ZFPM2: variants seen among roughly 807,000 people sequenced by gnomAD.
The protein encoded by ZFPM2 is zinc finger protein ZFPM2.
ZFPM2 carries 20 observed loss-of-function variants against 98.6 expected under a neutral mutation model. The observed-to-expected ratio is 0.20, with a 90% CI of 0.14 to 0.29. ZFPM2 has a LOEUF of 0.29. Ranked by LOEUF, ZFPM2 falls within the 10% of genes least tolerant of loss-of-function variation. The probability of loss-of-function intolerance (pLI) is 1.00; values close to 1 mark genes in which losing one functional copy is unlikely to be tolerated. For synonymous variants in ZFPM2, 518 were observed against 502.7 expected (o/e 1.03, Z -0.41); for missense variants, 1,310 against 1,388.6 (o/e 0.94, Z 0.90).
At chr8:105,358,161 G>A (rs1036554719) in intron 1 of ZFPM2, among the ~76,000 whole-genome samples, 3 of 152,012 alleles carry the variant, frequency 2.0e-5, no homozygotes, top group African/African-American at 7.2e-5. Context: ...GGAGATAATT[G>A]GAGATAACCT....
chr8:105,392,601 A>T (rs1306053913), intron 1 of ZFPM2, among the ~76,000 whole-genome samples: 1 of 152,212 alleles, frequency 6.6e-6, no homozygotes, highest in African/African-American at 2.4e-5. Context: ...GTACAAAAAC[A>T]ACTAACATAT....
At chr8:105,361,228 C>T (rs113343469) in intron 1 of ZFPM2, among the ~76,000 whole-genome samples, 87 of 132,494 alleles carry the variant, frequency 6.6e-4, no homozygotes, top group African/African-American at 1.8e-3. Context: ...TGGCCAGTGA[C>T]GGTGAGCATT....
intron 4 of ZFPM2, among the ~76,000 whole-genome samples, chr8:105,600,369 G>T (rs1382670975): frequency 2.0e-5 from 3 of 152,024 alleles, no homozygotes; most frequent in Non-Finnish European, 4.4e-5. Context: ...TAAACCAAGA[G>T]AAAGATTATT....
chr8:105,765,746 GACTT>G (rs1245583869), intron 5 of ZFPM2, among the ~76,000 whole-genome samples: 9 of 151,898 alleles, frequency 5.9e-5, no homozygotes, highest in Admixed American at 1.3e-4. Context: ...AAGGTTCTCT[GACTT>G]ACTTCTAGCA....
chr8:105,693,670 T>C (rs1810944587), intron 5 of ZFPM2, among the ~76,000 whole-genome samples: 1 of 152,204 alleles, frequency 6.6e-6, no homozygotes, highest in Admixed American at 6.5e-5. Flanking sequence ...ATATATTTTC[T>C]ATATGGACAG....
At chr8:105,486,255 C>A (rs193206565) in intron 3 of ZFPM2, among the ~76,000 whole-genome samples, 2 of 152,192 alleles carry the variant, frequency 1.3e-5, no homozygotes, top group East Asian at 3.9e-4. Context: ...CTACTTGAAA[C>A]ATGATGCGTG....
Position 105,798,605 on chromosome 8 carries a change from G to A in ZFPM2, c.740-119G>A. 5.2e-6 allele frequency: 4 copies of A among 775,174 alleles called. No homozygotes were observed. In the South Asian group the frequency reaches 7.0e-5, roughly 13 times the overall value. The allele number at this position is 775,174 out of a possible 1,614,324, so 48.0% of individuals were successfully genotyped here. ...CAACACCAAAGACTGTTACTCATCT[G>A]ATTGCCCAATTAAGAACCTGAGAGC... On this transcript the variant is annotated intron_variant, in intron 6 of 7. Coordinates refer to ENST00000407775, the MANE Select transcript of ZFPM2 (RefSeq NM_012082.4).
chr8:105,669,828 C>T (rs1262109530), intron 5 of ZFPM2, among the ~76,000 whole-genome samples: 1 of 152,114 alleles, frequency 6.6e-6, no homozygotes, highest in Non-Finnish European at 1.5e-5. Context: ...CTTCTTCTTG[C>T]CATTCCCATC....
chr8:105,623,835 G>A (rs538479650), intron 4 of ZFPM2, among the ~76,000 whole-genome samples: 5 of 152,158 alleles, frequency 3.3e-5, no homozygotes, highest in South Asian at 2.1e-4. Context: ...TCAGGCTAGC[G>A]TTTTTATTTT....
At chr8:105,582,758 T>C (rs1242091680) in intron 4 of ZFPM2, among the ~76,000 whole-genome samples, 1 of 152,132 alleles carries the variant, frequency 6.6e-6, no homozygotes, top group Admixed American at 6.5e-5. Flanking sequence ...CATCCTTGGC[T>C]AATTTTTGTA....
chr8:105,411,647 T>C (rs773559554), intron 1 of ZFPM2, among the ~76,000 whole-genome samples: 2 of 151,914 alleles, frequency 1.3e-5, no homozygotes, highest in South Asian at 2.1e-4. Flanking sequence ...GTAATGAATA[T>C]ACTTTTGTAT....
chr8:105,724,954 G>A (rs921241073), intron 5 of ZFPM2, among the ~76,000 whole-genome samples: 1 of 151,452 alleles, frequency 6.6e-6, no homozygotes, highest in African/African-American at 2.4e-5. Context: ...CCACATATAA[G>A]TGGACCCCGT....
At chr8:105,799,064 A>G in intron 7 of ZFPM2, 116 bp downstream of exon 7, 1 of 963,552 alleles carries the variant, frequency 1.0e-6, no homozygotes, top group Non-Finnish European at 1.5e-6. Context: ...TATAACATCA[A>G]AATCAAACTT....
At chr8:105,369,477 T>G (rs190858352) in intron 1 of ZFPM2, among the ~76,000 whole-genome samples, 1 of 152,244 alleles carries the variant, frequency 6.6e-6, no homozygotes, top group Admixed American at 6.5e-5. Flanking sequence ...TCCATCTTCT[T>G]AATTAAATGG....
intron 2 of ZFPM2, among the ~76,000 whole-genome samples, chr8:105,434,304 C>A (rs1173671209): frequency 1.3e-5 from 2 of 151,856 alleles, no homozygotes; most frequent in Non-Finnish European, 2.9e-5. Context: ...TTTAACATGA[C>A]ATTTCTGTTT....
chr8:105,489,469 T>A (rs866211555), intron 3 of ZFPM2, among the ~76,000 whole-genome samples: 3,669 of 137,412 alleles, frequency 0.027, 99 homozygotes, highest in African/African-American at 0.067. Context: ...TATATATATT[T>A]TTTTTTTTTT....
intron 5 of ZFPM2, among the ~76,000 whole-genome samples, chr8:105,693,980 C>CTTTTTTTTTTTTTTTTTTTTTTTTTTT (rs376834507): frequency 8.4e-6 from 1 of 118,412 alleles, no homozygotes; most frequent in Non-Finnish European, 1.7e-5. Context: ...TTTTTCTTTT[C>CTTTTTTTTTTTTTTTTTTTTTTTTTTT]TTTTTTTTTT....
chr8:105,632,288 G>A (rs964613592), intron 4 of ZFPM2, among the ~76,000 whole-genome samples: 5 of 152,128 alleles, frequency 3.3e-5, no homozygotes, highest in African/African-American at 1.2e-4. Flanking sequence ...TCCTGCCTCA[G>A]CCTCCCAAGT....
intron 3 of ZFPM2, among the ~76,000 whole-genome samples, chr8:105,471,658 T>G (rs1168184406): frequency 6.6e-6 from 1 of 152,192 alleles, no homozygotes; most frequent in Non-Finnish European, 1.5e-5. Flanking sequence ...AGGAGGTTGA[T>G]GGTACGCAAG....
Sources: allele counts gnomAD v4.1 joint callset (sites outside exome capture counted in the v4.1 genomes callset), GRCh38; gene constraint gnomAD v4.1.1; transcripts MANE v1.5; gene names NCBI Gene and HGNC (gene_info 2026-07-23, HGNC 2026-07-21).